FRMPD1: variants seen among roughly 807,000 people sequenced by gnomAD.
FRMPD1 encodes FERM and PDZ domain containing 1, also known as FERM and PDZ domain-containing protein 1.
Under a neutral mutation model 117.8 loss-of-function variants are expected in FRMPD1, and 76 were observed. The observed-to-expected ratio is 0.65, with a 90% CI of 0.54 to 0.78. FRMPD1 has a LOEUF of 0.78. Among genes scored for constraint, FRMPD1 ranks in the 30% least tolerant of loss-of-function variants. The probability of loss-of-function intolerance (pLI) is 0.00; values close to 1 mark genes in which losing one functional copy is unlikely to be tolerated. For synonymous variants in FRMPD1, 783 were observed against 770.4 expected, an observed-to-expected ratio of 1.02 and a Z score of -0.27; for missense variants, 1,786 against 1,964.5, an observed-to-expected ratio of 0.91 and a Z score of 1.72.
At chr9:37,689,414 T>C (rs1399753819) in intron 1 of FRMPD1, among the ~76,000 whole-genome samples, 1 of 152,144 alleles carries the variant, frequency 6.6e-6, no homozygotes, top group Non-Finnish European at 1.5e-5. Flanking sequence ...CATGTACTTA[T>C]TGCTAATTCT....
intron 1 of FRMPD1, among the ~76,000 whole-genome samples, chr9:37,679,271 A>G (rs1341049040): frequency 6.6e-6 from 1 of 152,224 alleles, no homozygotes; most frequent in African/African-American, 2.4e-5. Context: ...AGAGAGTCAG[A>G]AACTTCTGAT....
In FRMPD1 at chr9:37,745,067, C is replaced by T; in HGVS notation, c.3035C>T (p.Ser1012Phe). The T allele has an allele frequency of 6.2e-7, 1 of 1,614,124 alleles. No homozygotes were observed. Among genetic ancestry groups the T allele is most frequent in the African/African-American group, 1.3e-5 (1 of 75,044 alleles). ...KEPTIEHGDS[S>F]FSLSSGDPNP... ...CCAACCATAGAGCATGGAGACAGCT[C>T]CTTCTCCCTCTCCAGTGGTGACCCT... is the stretch of plus-strand genomic sequence containing the variant. Residue 1012 changes from serine (S) to phenylalanine (F), a missense_variant, in exon 16 of 16, where the codon TCC (serine) becomes TTC (phenylalanine). By Grantham distance (155) the Ser-to-Phe change is radical (BLOSUM62 -2). Transcript: ENST00000377765.
chr9:37,627,606 T>G, the FRMPD1 span, among the ~76,000 whole-genome samples: 90,392 of 152,146 alleles, frequency 0.59, 27,920 homozygotes, highest in Non-Finnish European at 0.68. Flanking sequence ...CTGAGTAGCT[T>G]GGCTACAGGC....
At position 37,744,591 on chromosome 9, in the gene FRMPD1, C is replaced by G. The variant is rs567244876; in HGVS notation, c.2559C>G (p.Pro853=). The G allele has an allele frequency of 5.0e-6, 8 of 1,614,104 alleles. No homozygotes were observed. Among genetic ancestry groups the G allele is most frequent in the Non-Finnish European group, 6.8e-6 (8 of 1,179,978 alleles). The part of the protein sequence containing the change: ...QTDYTSQVSF[P]LVPSASLESV... ...ACTACACCTCTCAGGTCTCATTTCC[C>G]CTGGTGCCATCAGCCTCCCTGGAGA... is the stretch of plus-strand genomic sequence containing the variant. The change falls in exon 16 of 16, where the codon CCC becomes CCG. Residue 853 remains proline, a synonymous_variant. Transcript: ENST00000377765.
the FRMPD1 span, among the ~76,000 whole-genome samples, chr9:37,627,565 T>C: frequency 6.6e-6 from 1 of 152,232 alleles, no homozygotes; most frequent in South Asian, 2.1e-4. Flanking sequence ...CTCCAACTAC[T>C]GGGCTCAAGG....
Position 37,725,520 on chromosome 9 carries a change from C to T in FRMPD1, c.612+1200C>T, listed in dbSNP as rs73445169. Among the ~76,000 whole-genome samples the T allele has an allele frequency of 4.4e-3, 666 of 152,316 alleles. 6 individuals carry two copies. The highest frequency in any genetic ancestry group is 0.016 in the African/African-American group (647 of 41,570). On this transcript the variant is annotated intron_variant, in intron 7 of 15. Transcript: ENST00000377765. ...ACACATCCAGTGCTTCTCTCTGGCA[C>T]CTTCATTTGGCAATTCCTACAGCTG...
At chr9:37,615,246 G>A in the FRMPD1 span, among the ~76,000 whole-genome samples, 1 of 152,022 alleles carries the variant, frequency 6.6e-6, no homozygotes, top group Non-Finnish European at 1.5e-5. Flanking sequence ...CTGAGTAGCT[G>A]GGACCACAGG....
chr9:37,736,438 G>T (rs1824128946), intron 13 of FRMPD1, among the ~76,000 whole-genome samples: 1 of 151,216 alleles, frequency 6.6e-6, no homozygotes, highest in Non-Finnish European at 1.5e-5. Flanking sequence ...GGCTGAGGCA[G>T]GAGAATCACT....
chr9:37,642,040 A>T, the FRMPD1 span, among the ~76,000 whole-genome samples: 2 of 152,206 alleles, frequency 1.3e-5, no homozygotes, highest in African/African-American at 4.8e-5. Context: ...TAAAATTTAA[A>T]TTTCTGGATC....
the FRMPD1 span, chr9:37,637,059 G>A: frequency 1.2e-5 from 19 of 1,545,196 alleles, no homozygotes; most frequent in African/African-American, 1.4e-4. Flanking sequence ...TGAGCCCCCC[G>A]GTAGTAGCTG....
At chr9:37,719,735 G>A (rs1174769996) in intron 6 of FRMPD1, among the ~76,000 whole-genome samples, 2 of 152,132 alleles carry the variant, frequency 1.3e-5, no homozygotes, top group Non-Finnish European at 2.9e-5. Flanking sequence ...AGGAGCCCAG[G>A]TCCATGTGAC....
intron 14 of FRMPD1, among the ~76,000 whole-genome samples, chr9:37,739,325 C>G (rs983334862): frequency 6.6e-6 from 1 of 152,150 alleles, no homozygotes; most frequent in Non-Finnish European, 1.5e-5. Context: ...GGAGGCCAGG[C>G]TCTTCCCCGT....
upstream of FRMPD1, among the ~76,000 whole-genome samples, chr9:37,648,333 G>A (rs1820557143): frequency 6.6e-6 from 1 of 152,168 alleles, no homozygotes; most frequent in African/African-American, 2.4e-5. Flanking sequence ...AAGGTGTTTG[G>A]TGTGCAGGTG....
At chr9:37,681,284 T>G (rs2117929529) in intron 1 of FRMPD1, among the ~76,000 whole-genome samples, 1 of 152,028 alleles carries the variant, frequency 6.6e-6, no homozygotes, top group South Asian at 2.1e-4. Context: ...CAGCTTCTTA[T>G]GGCCACAGGT....
At chr9:37,713,933 CT>C (rs1217650300) in intron 5 of FRMPD1, among the ~76,000 whole-genome samples, 1 of 152,136 alleles carries the variant, frequency 6.6e-6, no homozygotes, top group African/African-American at 2.4e-5. Context: ...AAATATAAAC[CT>C]TCTGTGGTCC....
chr9:37,744,343 C>A, intron 15 of FRMPD1, 46 bp from the exon 16 acceptor site: 1 of 1,433,588 alleles, frequency 7.0e-7, no homozygotes, highest in Non-Finnish European at 9.5e-7. Flanking sequence ...CTATTAACCT[C>A]TTTTTTTTGT....
chr9:37,654,303 G>T (rs1021807490), intron 1 of FRMPD1, among the ~76,000 whole-genome samples: 18 of 152,314 alleles, frequency 1.2e-4, no homozygotes, highest in African/African-American at 4.1e-4. Flanking sequence ...GGTGGTCAGG[G>T]CAGGCCTATC....
intron 1 of FRMPD1, among the ~76,000 whole-genome samples, chr9:37,680,133 G>T (rs959341535): frequency 3.9e-5 from 6 of 152,160 alleles, no homozygotes; most frequent in Non-Finnish European, 8.8e-5. Flanking sequence ...TATTAGATCT[G>T]CCTGTTCCTG....
chr9:37,639,721 G>A, the FRMPD1 span, among the ~76,000 whole-genome samples: 2 of 152,032 alleles, frequency 1.3e-5, no homozygotes, highest in African/African-American at 4.8e-5. Context: ...ACCTCACTTA[G>A]CACAGTGCCT....
Sources: allele counts gnomAD v4.1 joint callset (sites outside exome capture counted in the v4.1 genomes callset), GRCh38; gene constraint gnomAD v4.1.1; transcripts MANE v1.5; gene names NCBI Gene and HGNC (gene_info 2026-07-23, HGNC 2026-07-21).